The following KCTD12 variants were observed in gnomAD, a reference collection of about 807,000 sequenced individuals.
KCTD12 encodes the protein BTB/POZ domain-containing protein KCTD12.
KCTD12 carries 16 observed loss-of-function variants against 22.6 expected under a neutral mutation model. The observed-to-expected ratio is 0.71, with a 90% CI of 0.48 to 1.07. The LOEUF (loss-of-function observed/expected upper bound fraction) is 1.07. Among genes scored for constraint, KCTD12 ranks in the 50% least tolerant of loss-of-function variants. KCTD12 has a pLI of 0.00. For missense variants in KCTD12, 452 were observed against 469.2 expected, an observed-to-expected ratio of 0.96 and a Z score of 0.34; for synonymous variants, 260 against 228.0, an observed-to-expected ratio of 1.14 and a Z score of -1.26.
rs1245865369 is a variant in KCTD12 at position 76,881,733 on chromosome 13, C to T, written c.*3438G>A. On this transcript the variant is annotated 3_prime_UTR_variant, in exon 1 of 1. Transcript: ENST00000377474. ...ATCTCACATCTTCAAGGAATATTTT[C>T]TACAGCATATCATTTGAAAAAGTAG... 6.6e-6 allele frequency: 1 copy of T among 151,800 alleles called. No individual in the cohort carries two copies. The highest frequency in any genetic ancestry group is 1.9e-4 in the East Asian group (1 of 5,164). 9.4% of individuals were successfully genotyped at this position (151,800 alleles called of 1,614,324 possible). A position where few individuals can be genotyped will look rare whatever the true frequency, so the allele number is the denominator to read the frequency against.
rs2033188773 is a variant in KCTD12 at position 76,880,270 on chromosome 13, A to G, written c.*4901T>C. On this transcript the variant is annotated 3_prime_UTR_variant, in exon 1 of 1. Coordinates refer to ENST00000377474, the MANE Select transcript of KCTD12 (RefSeq NM_138444.4). ...TTACTTCACACACAGGAAGGAAAAC[A>G]GTAGCTAGTATTTCTGTTATACAAC... 6.5e-6 allele frequency: 1 copy of G among 152,690 alleles called. No individual in the cohort carries two copies. Among genetic ancestry groups the G allele is most frequent in the Non-Finnish European group, 1.5e-5 (1 of 68,046 alleles). The allele number at this position is 152,690 out of a possible 1,614,324, so 9.5% of individuals were successfully genotyped here.
In KCTD12 at chr13:76,885,160, G is replaced by C. The variant is rs755372050; in HGVS notation, c.*11C>G. The C allele has an allele frequency of 2.5e-6, 4 of 1,609,062 alleles. No homozygotes were observed. On this transcript the variant is annotated 3_prime_UTR_variant, in exon 1 of 1. Coordinates refer to ENST00000377474, the MANE Select transcript of KCTD12 (RefSeq NM_138444.4). The surrounding 1 kb of genome is among the most constrained non-coding windows in gnomAD (Gnocchi z 5.1). ...GACTGGGCGCTGGAGTGGCGAGGGG[G>C]TCTGGGGAGCTCACTCCCTGCAGAA...
chr13:76,885,940 T>G lies in KCTD12; in HGVS notation c.209A>C (p.Gln70Pro), dbSNP rs765905220. Residue 70 changes from glutamine (Q) to proline (P), a missense_variant, in exon 1 of 1, where the codon CAG becomes CCG. This residue lies in a region of KCTD12 where 330 missense variants were observed against 296.5 expected (regional missense o/e 1.11). Coordinates refer to ENST00000377474, the MANE Select transcript of KCTD12 (RefSeq NM_138444.4). The surrounding 1 kb of genome is among the most constrained non-coding windows in gnomAD (Gnocchi z 5.1). ...GCCTTTGCTGTCCCGGGCCAGCTCC[T>G]GCGGCTGCTGCTGCGTGAACATGCG... ...LWRMFTQQQP[Q>P]ELARDSKGRF... The G allele has an allele frequency of 3.8e-6, 6 of 1,591,306 alleles. No homozygotes were observed. The South Asian group carries it at 5.6e-5, about 15-fold the overall frequency.
At position 76,886,261 on chromosome 13, in the gene KCTD12, G is replaced by A. The variant is rs2033272364; in HGVS notation, c.-113C>T. On this transcript the variant is annotated 5_prime_UTR_variant, in exon 1 of 1. Transcript: ENST00000377474. ...GGACGCTCGCTCAGCCCTGCGCCCC[G>A]CCGCCGCCGCCGCCGCCACCGCCGC... 2 of 833,076 alleles carry A rather than the reference G, an allele frequency of 2.4e-6. No homozygotes were observed. Among genetic ancestry groups the A allele is most frequent in the African/African-American group, 4.9e-5 (2 of 40,758 alleles). The allele number at this position is 833,076 out of a possible 1,614,324, so 51.6% of individuals were successfully genotyped here.
At position 76,881,768 on chromosome 13, in the gene KCTD12, T is replaced by C. The variant is rs1206503862; in HGVS notation, c.*3403A>G. The stretch of plus-strand genomic sequence containing the variant: ...TCATTTGAAAAAGTAGAATGAATAC[T>C]GTTCATGGTCCACATGTATTAAAAA... On this transcript the variant is annotated 3_prime_UTR_variant, in exon 1 of 1. Coordinates refer to ENST00000377474, the MANE Select transcript of KCTD12 (RefSeq NM_138444.4). 5 of 125,738 alleles carry C rather than the reference T, an allele frequency of 4.0e-5. No homozygotes were observed. The highest frequency in any genetic ancestry group is 6.7e-5 in the Non-Finnish European group (4 of 59,940). The allele number at this position is 125,738 out of a possible 1,614,324, so 7.8% of individuals were successfully genotyped here.
rs1402506317 is a variant in KCTD12 at position 76,880,459 on chromosome 13, G to A, written c.*4712C>T. ...TTAGAAAAATCTGATAATCTTATAA[G>A]ATTTTTTCTGCTCTTCTTACATTTA... On this transcript the variant is annotated 3_prime_UTR_variant, in exon 1 of 1. Coordinates refer to ENST00000377474, the MANE Select transcript of KCTD12 (RefSeq NM_138444.4). 1.3e-5 allele frequency: 2 copies of A among 152,086 alleles called. No homozygotes were observed. Among genetic ancestry groups the A allele is most frequent in the African/African-American group, 4.8e-5 (2 of 41,420 alleles). The allele number at this position is 152,086 out of a possible 1,614,324, so 9.4% of individuals were successfully genotyped here. A position where few individuals can be genotyped will look rare whatever the true frequency, so the allele number is the denominator to read the frequency against.
At position 76,883,353 on chromosome 13, in the gene KCTD12, C is replaced by T. The variant is rs189224352; in HGVS notation, c.*1818G>A. On this transcript the variant is annotated 3_prime_UTR_variant, in exon 1 of 1. Coordinates refer to ENST00000377474, the MANE Select transcript of KCTD12 (RefSeq NM_138444.4). The stretch of plus-strand genomic sequence containing the variant: ...CTCTTACAAAATCCTTAAAAACGTA[C>T]ATCAGAGAAAGATGCTGAAAACAAA... 1 of 152,660 alleles carries T rather than the reference C, an allele frequency of 6.6e-6. No homozygotes were observed. The highest frequency in any genetic ancestry group is 1.9e-4 in the East Asian group (1 of 5,190). 9.5% of individuals were successfully genotyped at this position (152,660 alleles called of 1,614,324 possible). A position where few individuals can be genotyped will look rare whatever the true frequency, so the allele number is the denominator to read the frequency against.
In KCTD12 at chr13:76,886,242, T is replaced by C. The variant is rs1397282774; in HGVS notation, c.-94A>G. 1.5e-5 allele frequency: 20 copies of C among 1,349,208 alleles called. No homozygotes were observed. Among genetic ancestry groups the C allele is most frequent in the Non-Finnish European group, 1.9e-5 (20 of 1,053,396 alleles). The allele number at this position is 1,349,208 out of a possible 1,614,324, so 83.6% of individuals were successfully genotyped here. ...CCCCGGAGCCCCGGAACCCGGACGCTCGCTCAGCCCTGCGCCCCGCCGCCG... is the reference window on the plus strand; with the variant it reads ...CCCCGGAGCCCCGGAACCCGGACGCCCGCTCAGCCCTGCGCCCCGCCGCCG... On this transcript the variant is annotated 5_prime_UTR_variant, in exon 1 of 1. Transcript: ENST00000377474.
rs979677082 is a variant in KCTD12 at position 76,882,646 on chromosome 13, G to C, written c.*2525C>G. 1 of 152,148 alleles carries C rather than the reference G, an allele frequency of 6.6e-6. No individual in the cohort carries two copies. Among genetic ancestry groups the C allele is most frequent in the Non-Finnish European group, 1.5e-5 (1 of 68,024 alleles). 9.4% of individuals were successfully genotyped at this position (152,148 alleles called of 1,614,324 possible). ...TGAACAATCTAACAAAATACCATAC[G>C]GGGTAGAGAAATCTCTGCAACACTG... is the stretch of plus-strand genomic sequence containing the variant. On this transcript the variant is annotated 3_prime_UTR_variant, in exon 1 of 1. Coordinates refer to ENST00000377474, the MANE Select transcript of KCTD12 (RefSeq NM_138444.4).
At position 76,880,641 on chromosome 13, in the gene KCTD12, T is replaced by A. The variant is rs909865010; in HGVS notation, c.*4530A>T. On this transcript the variant is annotated 3_prime_UTR_variant, in exon 1 of 1. Transcript: ENST00000377474. ...TTCAAAATTAACATCCAGATGGATG[T>A]TTTAATCCTTTGTCACTAAATGGTT... The A allele has an allele frequency of 2.0e-5, 3 of 152,590 alleles. No homozygotes were observed. Among genetic ancestry groups the A allele is most frequent in the African/African-American group, 4.8e-5 (2 of 41,452 alleles). 9.5% of individuals were successfully genotyped at this position (152,590 alleles called of 1,614,324 possible). A position where few individuals can be genotyped will look rare whatever the true frequency, so the allele number is the denominator to read the frequency against.
rs2033193981 is a variant in KCTD12 at position 76,880,734 on chromosome 13, T to C, written c.*4437A>G. 1 of 152,628 alleles carries C rather than the reference T, an allele frequency of 6.6e-6. No individual in the cohort carries two copies. The allele number at this position is 152,628 out of a possible 1,614,324, so 9.5% of individuals were successfully genotyped here. A position where few individuals can be genotyped will look rare whatever the true frequency, so the allele number is the denominator to read the frequency against. ...TTCAATAGTAATAGCAAAATTTACCTGCCTATAAAGTCGCAAAAACAGTTG... is the reference window on the plus strand; with the variant it reads ...TTCAATAGTAATAGCAAAATTTACCCGCCTATAAAGTCGCAAAAACAGTTG... On this transcript the variant is annotated 3_prime_UTR_variant, in exon 1 of 1. Transcript: ENST00000377474.
chr13:76,880,819 A>G lies in KCTD12; in HGVS notation c.*4352T>C, dbSNP rs1360246995. ...CCTCAAAACACATTTAGAATTTAAA[A>G]AAACTGGCTTGGAAAAAAATCACAA... On this transcript the variant is annotated 3_prime_UTR_variant, in exon 1 of 1. Coordinates refer to ENST00000377474, the MANE Select transcript of KCTD12 (RefSeq NM_138444.4). 1.3e-5 allele frequency: 2 copies of G among 152,652 alleles called. No individual in the cohort carries two copies. The highest frequency in any genetic ancestry group is 4.8e-5 in the African/African-American group (2 of 41,474). 9.5% of individuals were successfully genotyped at this position (152,652 alleles called of 1,614,324 possible).
chr13:76,885,066 T>C lies in KCTD12; in HGVS notation c.*105A>G. ...CCCAGCTACTACTGGAGGGGGAGAA[T>C]GGGAGGGCAGCAGCCAGGGGACAAA... On this transcript the variant is annotated 3_prime_UTR_variant, in exon 1 of 1. Transcript: ENST00000377474. The surrounding 1 kb of genome is among the most constrained non-coding windows in gnomAD (Gnocchi z 5.1). 1.5e-6 allele frequency: 2 copies of C among 1,313,994 alleles called. No individual in the cohort carries two copies. Among genetic ancestry groups the C allele is most frequent in the Admixed American group, 2.3e-5 (1 of 43,722 alleles). The allele number at this position is 1,313,994 out of a possible 1,614,324, so 81.4% of individuals were successfully genotyped here. A position where few individuals can be genotyped will look rare whatever the true frequency, so the allele number is the denominator to read the frequency against.
chr13:76,885,940 T>C lies in KCTD12; in HGVS notation c.209A>G (p.Gln70Arg). 1.3e-6 allele frequency: 2 copies of C among 1,591,424 alleles called. No homozygotes were observed. The highest frequency in any genetic ancestry group is 1.7e-6 in the Non-Finnish European group (2 of 1,176,606). ...LWRMFTQQQP[Q>R]ELARDSKGRF... ...GCCTTTGCTGTCCCGGGCCAGCTCC[T>C]GCGGCTGCTGCTGCGTGAACATGCG... is the stretch of plus-strand genomic sequence containing the variant. The change falls in exon 1 of 1, where the codon CAG (glutamine) becomes CGG (arginine). Residue 70 changes from glutamine (Q) to arginine (R), a missense_variant. By Grantham distance (43) the Gln-to-Arg change is conservative. Coordinates refer to ENST00000377474, the MANE Select transcript of KCTD12 (RefSeq NM_138444.4). This position sits in a 1 kb window ranked among gnomAD's most constrained non-coding sequence, Gnocchi z 5.1.
In KCTD12 at chr13:76,885,566, G is replaced by C; in HGVS notation, c.583C>G (p.Leu195Val). 1.9e-6 allele frequency: 3 copies of C among 1,545,142 alleles called. No individual in the cohort carries two copies. The highest frequency in any genetic ancestry group is 2.6e-6 in the Non-Finnish European group (3 of 1,150,412). Residue 195 changes from leucine to valine, a missense_variant, in exon 1 of 1, where the codon CTC becomes GTC. This residue lies in a region of KCTD12 where 330 missense variants were observed against 296.5 expected (regional missense o/e 1.11). Coordinates refer to ENST00000377474, the MANE Select transcript of KCTD12 (RefSeq NM_138444.4). This position sits in a 1 kb window ranked among gnomAD's most constrained non-coding sequence, Gnocchi z 5.1. ...CCGTCCAGCGACTGGGACGGCGTGA[G>C]CAGCGGGCCCGCCGCGCCCCCGGAC... is the stretch of plus-strand genomic sequence containing the variant. ...SPSGGAAGPL[L>V]TPSQSLDGSR...
In KCTD12 at chr13:76,886,258, CCCGCCGCCG is replaced by C. The variant is rs879633611; in HGVS notation, c.-119_-111del. 3.7e-4 allele frequency: 447 copies of C among 1,216,352 alleles called. No homozygotes were observed. Among genetic ancestry groups the C allele is most frequent in the African/African-American group, 1.4e-3 (81 of 59,510 alleles). The allele number at this position is 1,216,352 out of a possible 1,614,324, so 75.3% of individuals were successfully genotyped here. A position where few individuals can be genotyped will look rare whatever the true frequency, so the allele number is the denominator to read the frequency against. On this transcript the variant is annotated 5_prime_UTR_variant, in exon 1 of 1. Coordinates refer to ENST00000377474, the MANE Select transcript of KCTD12 (RefSeq NM_138444.4). Reference sequence around the variant, plus strand: ...CCCGGACGCTCGCTCAGCCCTGCGCCCCGCCGCCGCCGCCGCCGCCACCGCCGCCACCGC... The same window carrying C: ...CCCGGACGCTCGCTCAGCCCTGCGCCCCGCCGCCGCCACCGCCGCCACCGC...
In KCTD12 at chr13:76,885,315, C is replaced by T. The variant is rs567595130; in HGVS notation, c.834G>A (p.Glu278=). The T allele has an allele frequency of 6.2e-7, 1 of 1,613,856 alleles. No individual in the cohort carries two copies. Among genetic ancestry groups the T allele is most frequent in the Non-Finnish European group, 8.5e-7 (1 of 1,179,968 alleles). ...SRYYLKFNFL[E]QAFDKLSESG... is the part of the protein sequence containing the mutation. ...ACTCGGACAGCTTGTCGAAGGCCTG[C>T]TCCAGGAAGTTGAACTTGAGGTAAT... Residue 278 remains glutamate, a synonymous_variant, in exon 1 of 1, where the codon GAG becomes GAA. Coordinates refer to ENST00000377474, the MANE Select transcript of KCTD12 (RefSeq NM_138444.4). The surrounding 1 kb of genome is among the most constrained non-coding windows in gnomAD (Gnocchi z 5.1).
rs1200717268 is a variant in KCTD12, at chr13:76,886,279, ACCG to A, written c.-134_-132del. Reference sequence around the variant, plus strand: ...GCGCCCCGCCGCCGCCGCCGCCGCCACCGCCGCCACCGCCACCGCCGCCACCTC... The same window carrying A: ...GCGCCCCGCCGCCGCCGCCGCCGCCACCGCCACCGCCACCGCCGCCACCTC... On this transcript the variant is annotated 5_prime_UTR_variant, in exon 1 of 1. Coordinates refer to ENST00000377474, the MANE Select transcript of KCTD12 (RefSeq NM_138444.4). The A allele has an allele frequency of 1.2e-5, 12 of 1,030,664 alleles. No individual in the cohort carries two copies. The South Asian group carries it at 1.2e-4, about 10-fold the overall frequency. The allele number at this position is 1,030,664 out of a possible 1,614,324, so 63.8% of individuals were successfully genotyped here. A position where few individuals can be genotyped will look rare whatever the true frequency, so the allele number is the denominator to read the frequency against.
Position 76,885,293 on chromosome 13 carries a change from C to T in KCTD12, c.856G>A (p.Glu286Lys), listed in dbSNP as rs1287900912. Residue 286 changes from glutamate to lysine, a missense_variant, in exon 1 of 1, where the codon GAG becomes AAG. Around this residue, in one of 2 missense-constraint regions of KCTD12, gnomAD observed 122 missense variants for 172.8 expected, o/e 0.71. Coordinates refer to ENST00000377474, the MANE Select transcript of KCTD12 (RefSeq NM_138444.4). The surrounding 1 kb of genome is among the most constrained non-coding windows in gnomAD (Gnocchi z 5.1). ...FLEQAFDKLS[E>K]SGFHMVACSS... ...CACGCCACCATGTGGAAGCCCGACT[C>T]GGACAGCTTGTCGAAGGCCTGCTCC... The T allele has an allele frequency of 9.9e-6, 16 of 1,613,860 alleles. No homozygotes were observed. In the East Asian group the frequency reaches 3.6e-4, roughly 36 times the overall value.
Sources: allele counts gnomAD v4.1 joint callset, GRCh38; gene constraint gnomAD v4.1.1; regional missense constraint gnomAD v4.1.1; non-coding constraint Gnocchi (gnomAD v3.1); transcripts MANE v1.5; gene names NCBI Gene and HGNC (gene_info 2026-07-23, HGNC 2026-07-21).